Variants in TCERG1L observed in about 807,000 individuals in gnomAD.
TCERG1L encodes transcription elongation regulator 1 like.
Under a neutral mutation model 56.3 loss-of-function variants are expected in TCERG1L, and 37 were observed. The ratio of observed to expected loss-of-function variants is 0.66; its 90% CI spans 0.51 to 0.87. The LOEUF is 0.87. Ranked by LOEUF, TCERG1L falls within the 40% of genes least tolerant of loss-of-function variation. TCERG1L has a pLI of 0.00. For synonymous variants in TCERG1L, 324 were observed against 326.3 expected, an observed-to-expected ratio of 0.99 and a Z score of 0.08; for missense variants, 799 against 774.2, an observed-to-expected ratio of 1.03 and a Z score of -0.38.
intron 7 of TCERG1L, among the ~76,000 whole-genome samples, chr10:131,141,304 G>C (rs993553950): frequency 6.6e-6 from 1 of 152,062 alleles, no homozygotes; most frequent in African/African-American, 2.4e-5. Context: ...AGACTCAAGC[G>C]CACCTTCTTC....
chr10:131,258,520 T>C (rs1846198506), intron 4 of TCERG1L, among the ~76,000 whole-genome samples: 1 of 152,198 alleles, frequency 6.6e-6, no homozygotes, highest in African/African-American at 2.4e-5. Context: ...AGCTCAGACC[T>C]GCTCATCACC....
In TCERG1L at chr10:131,114,182, G is replaced by A. The variant is rs909513192; in HGVS notation, c.1395+2617C>T. Among the ~76,000 whole-genome samples, 7 of 142,004 alleles carry A rather than the reference G, an allele frequency of 4.9e-5. 1 individual carries two copies. The highest frequency in any genetic ancestry group is 1.7e-4 in the African/African-American group (7 of 40,250). 93.2% of individuals were successfully genotyped at this position (142,004 alleles called of 152,430 possible). The stretch of plus-strand genomic sequence containing the variant: ...TCCACAAGTACATGAATTTCTGAAC[G>A]GAAGTATTGAACAAATGCAATAACA... On this transcript the variant is annotated intron_variant, in intron 9 of 11. Transcript: ENST00000368642.
At chr10:131,144,473 C>T (rs774572525) in intron 7 of TCERG1L, among the ~76,000 whole-genome samples, 8 of 152,092 alleles carry the variant, frequency 5.3e-5, no homozygotes, top group Non-Finnish European at 8.8e-5. Flanking sequence ...CGCTGCGAAG[C>T]TCTCTGAGTG....
chr10:131,291,761 A>T (rs1287303544), intron 3 of TCERG1L, among the ~76,000 whole-genome samples: 1 of 151,308 alleles, frequency 6.6e-6, no homozygotes, highest in East Asian at 1.9e-4. Context: ...CCACTTTCCC[A>T]TCCAAGACCA....
chr10:131,108,532 G>T (rs1285694143), intron 9 of TCERG1L, among the ~76,000 whole-genome samples: 1 of 152,034 alleles, frequency 6.6e-6, no homozygotes, highest in Non-Finnish European at 1.5e-5. Flanking sequence ...TTTGCTGTGT[G>T]CGTGGGTGTT....
intron 7 of TCERG1L, among the ~76,000 whole-genome samples, chr10:131,144,749 A>G (rs1431712204): frequency 2.0e-5 from 3 of 152,208 alleles, no homozygotes; most frequent in South Asian, 2.1e-4. Context: ...ATATCATGCT[A>G]AATCTAAACT....
intron 6 of TCERG1L, among the ~76,000 whole-genome samples, chr10:131,152,534 C>A (rs1292482115): frequency 6.6e-6 from 1 of 152,184 alleles, no homozygotes; most frequent in Non-Finnish European, 1.5e-5. Flanking sequence ...GTCTTCTGAG[C>A]CCTCCAAGTC....
intron 8 of TCERG1L, among the ~76,000 whole-genome samples, chr10:131,130,087 T>TTA (rs1564797573): frequency 1.7e-5 from 2 of 116,146 alleles, no homozygotes; most frequent in Admixed American, 8.8e-5. Flanking sequence ...GGGTGATTTA[T>TTA]AAAAAAAAAA....
intron 3 of TCERG1L, among the ~76,000 whole-genome samples, chr10:131,305,110 T>C (rs1258079247): frequency 6.6e-6 from 1 of 152,090 alleles, no homozygotes; most frequent in Non-Finnish European, 1.5e-5. Context: ...GATCCCCCGC[T>C]AAGGTTCTCC....
intron 3 of TCERG1L, among the ~76,000 whole-genome samples, chr10:131,281,740 C>T (rs75632209): frequency 0.021 from 3,079 of 145,776 alleles, 78 homozygotes; most frequent in East Asian, 0.075. Context: ...TTAAAAGGAC[C>T]CCTACCCATC....
At chr10:131,097,637 G>T (rs1051355189) in intron 11 of TCERG1L, among the ~76,000 whole-genome samples, 1 of 152,142 alleles carries the variant, frequency 6.6e-6, no homozygotes, top group African/African-American at 2.4e-5. Flanking sequence ...GTGAGCCACC[G>T]CGCCCGGCCC....
chr10:131,100,086 C>T (rs968889299), intron 10 of TCERG1L, among the ~76,000 whole-genome samples: 5 of 152,208 alleles, frequency 3.3e-5, no homozygotes, highest in African/African-American at 9.6e-5. Flanking sequence ...AGCCTGGTTG[C>T]GAACTCCTGA....
chr10:131,216,599 T>G (rs149265542), intron 4 of TCERG1L, among the ~76,000 whole-genome samples: 1 of 152,344 alleles, frequency 6.6e-6, no homozygotes, highest in East Asian at 1.9e-4. Context: ...ACTCAATAAC[T>G]ACCATTTCTT....
chr10:131,291,728 C>T (rs1040585671), intron 3 of TCERG1L, among the ~76,000 whole-genome samples: 4 of 151,844 alleles, frequency 2.6e-5, no homozygotes, highest in East Asian at 1.9e-4. Context: ...GCCCGGCCTC[C>T]ATAAACAGCA....
chr10:131,125,474 G>T (rs536243187), intron 8 of TCERG1L, among the ~76,000 whole-genome samples: 1 of 152,356 alleles, frequency 6.6e-6, no homozygotes, highest in Non-Finnish European at 1.5e-5. Flanking sequence ...AAGTTTCTGT[G>T]AATCTTTTGC....
chr10:131,125,380 C>T (rs550826941), intron 8 of TCERG1L, among the ~76,000 whole-genome samples: 22 of 152,242 alleles, frequency 1.4e-4, no homozygotes, highest in Middle Eastern at 3.4e-3. Context: ...TTTCTTCCAG[C>T]AAAGAGGGCT....
intron 4 of TCERG1L, among the ~76,000 whole-genome samples, chr10:131,232,828 TC>T (rs1391795571): frequency 6.6e-6 from 1 of 151,584 alleles, no homozygotes; most frequent in African/African-American, 2.4e-5. Flanking sequence ...CCCTGAAAGC[TC>T]CCCCCAACCC....
chr10:131,180,142 T>G (rs2397747), intron 4 of TCERG1L, among the ~76,000 whole-genome samples: 70,107 of 151,912 alleles, frequency 0.46, 19,323 homozygotes, highest in South Asian at 0.68. Flanking sequence ...GGCTAGGGGA[T>G]GGTGACATTG....
In TCERG1L at chr10:131,311,207, G is replaced by T; in HGVS notation, c.342+87C>A. On this transcript the variant is annotated intron_variant, in intron 1 of 11. Transcript: ENST00000368642. The surrounding 1 kb of genome is among the most constrained non-coding windows in gnomAD (Gnocchi z 4.0). Reference sequence around the variant, plus strand: ...GACCGCCGGGGAGGAGGGCGCGCGAGCCGGAGGCCAGAGCCGGGCCGGGCA... The same window carrying T: ...GACCGCCGGGGAGGAGGGCGCGCGATCCGGAGGCCAGAGCCGGGCCGGGCA... 1 of 1,074,032 alleles carries T rather than the reference G, an allele frequency of 9.3e-7. No homozygotes were observed. The highest frequency in any genetic ancestry group is 3.7e-4 in the Middle Eastern group (1 of 2,684). The allele number at this position is 1,074,032 out of a possible 1,614,324, so 66.5% of individuals were successfully genotyped here.
Sources: allele counts gnomAD v4.1 joint callset (sites outside exome capture counted in the v4.1 genomes callset), GRCh38; gene constraint gnomAD v4.1.1; non-coding constraint Gnocchi (gnomAD v3.1); transcripts MANE v1.5; gene names NCBI Gene and HGNC (gene_info 2026-07-23, HGNC 2026-07-21).